The following ARHGEF9 variants were observed in gnomAD, a reference collection of about 807,000 sequenced individuals.
ARHGEF9 encodes Cdc42 guanine nucleotide exchange factor 9, also known as rho guanine nucleotide exchange factor 9.
Under a neutral mutation model 41.3 loss-of-function variants are expected in ARHGEF9, and 2 were observed. The ratio of observed to expected loss-of-function variants is 0.05; its 90% CI spans 0.02 to 0.15. ARHGEF9 has a LOEUF of 0.15. ARHGEF9 is among the 10% of genes least tolerant of loss of function. ARHGEF9 has a pLI of 1.00. For synonymous variants in ARHGEF9, 160 were observed against 154.4 expected (o/e 1.04, Z -0.27); for missense variants, 225 against 424.7 (o/e 0.53, Z 4.13).
At chrX:63,703,893 G>C (rs1425750611) in intron 3 of ARHGEF9, among the ~76,000 whole-genome samples, 1 of 110,991 alleles carries the variant, frequency 9.0e-6, no homozygotes, top group Non-Finnish European at 1.9e-5. Flanking sequence ...GTGGGGAGGG[G>C]AATGCTTTAA....
chrX:63,754,657 C>G (rs1193224372), intron 1 of ARHGEF9: 1 of 994,445 alleles, frequency 1.0e-6, no homozygotes, highest in Non-Finnish European at 1.3e-6. Flanking sequence ...TTCTGTCAGA[C>G]TGTCCATACA....
chrX:63,699,743 C>T (rs2052022186), intron 3 of ARHGEF9, among the ~76,000 whole-genome samples: 1 of 111,685 alleles, frequency 9.0e-6, no homozygotes, highest in Non-Finnish European at 1.9e-5. Context: ...TATTCTGGTA[C>T]ATTTAGCTTG....
At chrX:63,778,085 T>C (rs1268291645) in intron 1 of ARHGEF9, among the ~76,000 whole-genome samples, 2 of 112,896 alleles carry the variant, frequency 1.8e-5, no homozygotes, top group African/African-American at 6.4e-5. Flanking sequence ...TGAGCAGAAG[T>C]TCTCCATGAG....
chrX:63,768,618 A>T (rs2056152478), intron 1 of ARHGEF9, among the ~76,000 whole-genome samples: 1 of 112,105 alleles, frequency 8.9e-6, no homozygotes, highest in African/African-American at 3.2e-5. Context: ...GTCACCAGGC[A>T]AATTTTACCT....
intron 2 of ARHGEF9, among the ~76,000 whole-genome samples, chrX:63,718,332 A>G (rs185976882): frequency 8.9e-6 from 1 of 111,829 alleles, no homozygotes; most frequent in East Asian, 2.8e-4. Context: ...AAATATATAT[A>G]TACAAGTATG....
At chrX:63,669,105 A>C (rs1358230993) in intron 6 of ARHGEF9, among the ~76,000 whole-genome samples, 8 of 112,373 alleles carry the variant, frequency 7.1e-5, no homozygotes, top group Non-Finnish European at 1.3e-4. Flanking sequence ...TGTTTGACCC[A>C]CTTCACATGG....
intron 2 of ARHGEF9, among the ~76,000 whole-genome samples, chrX:63,716,647 A>G (rs1360275925): frequency 4.5e-5 from 5 of 111,983 alleles, no homozygotes; most frequent in Non-Finnish European, 9.4e-5. Context: ...ACCATGCTTT[A>G]CCTGCTTATT....
chrX:63,775,129 C>G (rs1321443224), intron 1 of ARHGEF9, among the ~76,000 whole-genome samples: 2 of 112,086 alleles, frequency 1.8e-5, no homozygotes, highest in African/African-American at 6.5e-5. Flanking sequence ...AATGAGATAC[C>G]ATCTCACACC....
intron 1 of ARHGEF9, chrX:63,755,191 C>A: frequency 1.1e-6 from 1 of 938,812 alleles, no homozygotes; most frequent in African/African-American, 2.0e-5. Flanking sequence ...GAGGCGCGGC[C>A]AGAGCCACTG....
chrX:63,668,983 G>C (rs1357648563), intron 6 of ARHGEF9, among the ~76,000 whole-genome samples: 1 of 112,107 alleles, frequency 8.9e-6, no homozygotes, highest in Non-Finnish European at 1.9e-5. Context: ...AATCTCAAAA[G>C]ACCTGGGCTC....
At chrX:63,654,159 C>CAAAAA (rs782760710) in intron 8 of ARHGEF9, among the ~76,000 whole-genome samples, 1 of 90,191 alleles carries the variant, frequency 1.1e-5, no homozygotes. Context: ...ATTATCAAAC[C>CAAAAA]AAAAAAAAAA....
rs1194496870 is a variant in ARHGEF9 at position 63,635,768 on chromosome X, C to T, written c.*2260G>A. ...AGAAACTTGTCCAAGCATCCCCTCC[C>T]GGTGTGCTGCCAACCCTCGAAGAAG... On this transcript the variant is annotated 3_prime_UTR_variant, in exon 10 of 10. Transcript: ENST00000671741. 18 of 177,224 alleles carry T rather than the reference C, an allele frequency of 1.0e-4. No individual in the cohort carries two copies. The highest frequency in any genetic ancestry group is 5.4e-4 in the African/African-American group (17 of 31,615). The allele number at this position is 177,224 out of a possible 1,213,427, so 14.6% of individuals were successfully genotyped here. A position where few individuals can be genotyped will look rare whatever the true frequency, so the allele number is the denominator to read the frequency against.
chrX:63,663,432 A>G (rs1329948456), intron 7 of ARHGEF9, among the ~76,000 whole-genome samples: 2 of 111,204 alleles, frequency 1.8e-5, no homozygotes, highest in East Asian at 5.6e-4. Context: ...TCCTTTTTAA[A>G]TATGAGATCA....
At chrX:63,779,037 A>T (rs1482119285) in intron 1 of ARHGEF9, among the ~76,000 whole-genome samples, 1 of 112,030 alleles carries the variant, frequency 8.9e-6, no homozygotes, top group African/African-American at 3.2e-5. Context: ...GCCAATTGGT[A>T]ATAGTTTCAG....
rs1463047777 is a variant in ARHGEF9 at position 63,673,624 on chromosome X, A to T, written c.945+414T>A. ...GTGAGGTGGTATCACCGATAAAAAA[A>T]AAAGTATGTTGGCTGTCCTGCATGG... is the stretch of plus-strand genomic sequence containing the variant. On this transcript the variant is annotated intron_variant, in intron 6 of 9. Transcript: ENST00000671741. 2.7e-5 allele frequency among the ~76,000 whole-genome samples: 3 copies of T among 111,371 alleles called. No homozygotes were observed. In the South Asian group the frequency reaches 1.1e-3, roughly 43 times the overall value.
At chrX:63,643,704 CCTT>C (rs1239329205) in intron 9 of ARHGEF9, among the ~76,000 whole-genome samples, 1 of 108,495 alleles carries the variant, frequency 9.2e-6, no homozygotes, top group African/African-American at 3.4e-5. Flanking sequence ...GTAAAGTTTC[CCTT>C]ATTTTTAAGT....
chrX:63,728,168 T>A (rs1265312583), intron 1 of ARHGEF9, among the ~76,000 whole-genome samples: 3 of 112,548 alleles, frequency 2.7e-5, no homozygotes, highest in African/African-American at 9.7e-5. Flanking sequence ...TCCTCCCTCA[T>A]CTTCTGAGTT....
rs1425104224 is a variant in ARHGEF9, at chrX:63,706,425, C to T, written c.235G>A (p.Val79Met). The stretch of plus-strand genomic sequence containing the variant: ...TGCACATCGCTGGGCCCCTCCTCCA[C>T]CTCATCCTCCTGGTTCACCCAGAGC... Reference protein sequence around the residue: ...VRLWVNQEDEVEEGPSDVQNG... With the variant: ...VRLWVNQEDEMEEGPSDVQNG... The change falls in exon 3 of 10, where the codon GTG becomes ATG. Residue 79 changes from valine (V) to methionine (M), a missense_variant. Physicochemically the swap from Val to Met is conservative, Grantham distance 21. Coordinates refer to ENST00000671741, the MANE Select transcript of ARHGEF9 (RefSeq NM_001353921.2). The T allele has an allele frequency of 8.3e-7, 1 of 1,207,179 alleles. No individual in the cohort carries two copies. The highest frequency in any genetic ancestry group is 1.1e-6 in the Non-Finnish European group (1 of 893,674).
chrX:63,726,960 C>T (rs2054005537), intron 1 of ARHGEF9, among the ~76,000 whole-genome samples: 1 of 111,456 alleles, frequency 9.0e-6, no homozygotes, highest in Non-Finnish European at 1.9e-5. Flanking sequence ...GTCAATTTCT[C>T]CTTGTTTTGG....
Sources: allele counts gnomAD v4.1 joint callset (sites outside exome capture counted in the v4.1 genomes callset), GRCh38; gene constraint gnomAD v4.1.1; transcripts MANE v1.5; gene names NCBI Gene and HGNC (gene_info 2026-07-23, HGNC 2026-07-21).